The following CCDC59 variants were observed in gnomAD, a reference collection of about 807,000 sequenced individuals.
CCDC59 encodes coiled-coil domain containing 59.
Under a neutral mutation model 30.5 loss-of-function variants are expected in CCDC59, and 27 were observed. The observed-to-expected ratio is 0.89, with a 90% CI of 0.65 to 1.22. CCDC59 has a LOEUF of 1.22. Ranked by LOEUF, CCDC59 falls within the 50% of genes most tolerant of loss-of-function variation. The pLI is 0.00. For missense variants in CCDC59, 362 were observed against 284.4 expected (o/e 1.27, Z -1.96); for synonymous variants, 125 against 100.9 (o/e 1.24, Z -1.43).
Position 82,358,298 on chromosome 12 carries a change from ACCCGACAGTGGAAAC to A in CCDC59, c.64_78del (p.Val22_Gly26del). 6.2e-7 allele frequency: 1 copy of A among 1,613,676 alleles called. No individual in the cohort carries two copies. The highest frequency in any genetic ancestry group is 2.2e-5 in the East Asian group (1 of 44,854). ...TTCTGTCTCACATTCTTATTCCTGT[ACCCGACAGTGGAAAC>A]CCCTTCACCACGCGCCTCAATACCA... is the stretch of plus-strand genomic sequence containing the variant. On this transcript the variant is annotated inframe_deletion, in exon 1 of 4. Coordinates refer to ENST00000256151, the MANE Select transcript of CCDC59 (RefSeq NM_014167.5).
intron 2 of CCDC59, chr12:82,355,857 C>A (rs1170884553): frequency 6.6e-6 from 1 of 152,122 alleles, no homozygotes; most frequent in Non-Finnish European, 1.5e-5. Flanking sequence ...CTGTTTCCAC[C>A]CCAAAATAAA....
chr12:82,358,751 G>A (rs1881323448), upstream of CCDC59: 2 of 1,614,100 alleles, frequency 1.2e-6, no homozygotes, highest in African/African-American at 1.3e-5. Context: ...TGGCTGCGCT[G>A]AGGAAGTCAG....
At chr12:82,358,444 G>A (rs1293911424), upstream of CCDC59, 2 of 1,605,476 alleles carry the variant, frequency 1.2e-6, no homozygotes, top group Non-Finnish European at 1.7e-6. Context: ...CCAAGCCGAA[G>A]CAATCAATCG....
intron 2 of CCDC59, chr12:82,356,226 T>C (rs1240519015): frequency 6.6e-6 from 1 of 152,264 alleles, no homozygotes; most frequent in Non-Finnish European, 1.5e-5. Context: ...ACTTTAAGTA[T>C]GCAGCGATAG....
In CCDC59 at chr12:82,352,330, T is replaced by C. The variant is rs1478689190; in HGVS notation, c.*821A>G. On this transcript the variant is annotated 3_prime_UTR_variant, in exon 4 of 4. Coordinates refer to ENST00000256151, the MANE Select transcript of CCDC59 (RefSeq NM_014167.5). ...TGCTATCATTTATAAAATTTTATTA[T>C]TCAATATTTGGCAAGTATTATTGGT... is the stretch of plus-strand genomic sequence containing the variant. The C allele has an allele frequency of 2.0e-5, 3 of 152,368 alleles. No homozygotes were observed. The highest frequency in any genetic ancestry group is 2.9e-5 in the Non-Finnish European group (2 of 68,030). 9.4% of individuals were successfully genotyped at this position (152,368 alleles called of 1,614,324 possible). A position where few individuals can be genotyped will look rare whatever the true frequency, so the allele number is the denominator to read the frequency against.
upstream of CCDC59, chr12:82,358,799 C>T (rs1412248100): frequency 1.2e-6 from 2 of 1,613,274 alleles, no homozygotes; most frequent in Non-Finnish European, 1.7e-6. Flanking sequence ...AGACGCGCCC[C>T]CTAGTGGAAG....
chr12:82,353,722 T>A (rs1028865299), intron 3 of CCDC59, among the ~76,000 whole-genome samples: 1 of 152,152 alleles, frequency 6.6e-6, no homozygotes, highest in Non-Finnish European at 1.5e-5. Flanking sequence ...TGCCACCAGC[T>A]TAAGAACAAT....
At position 82,358,274 on chromosome 12, in the gene CCDC59, T is replaced by A; in HGVS notation, c.103A>T (p.Lys35Ter). ...TGCGGGTGGTTAGGCCGCCATGTCT[T>A]CTGTCTCACATTCTTATTCCTGTAC... ...VGYRNKNVRQKTWRPNHPQAF... is the reference protein window; with the variant it reads ...VGYRNKNVRQ The change falls in exon 1 of 4, where the codon AAG (lysine) becomes TAG (stop). Residue 35 changes from lysine (K) to a stop codon, truncating the protein, a stop_gained. Transcript: ENST00000256151. LOFTEE classifies it high-confidence loss of function. 1 of 1,614,152 alleles carries A rather than the reference T, an allele frequency of 6.2e-7. No homozygotes were observed. The highest frequency in any genetic ancestry group is 8.5e-7 in the Non-Finnish European group (1 of 1,180,014).
rs770305265 is a variant in CCDC59, at chr12:82,358,327, G to C, written c.50C>G (p.Ala17Gly). The C allele has an allele frequency of 6.2e-7, 1 of 1,613,992 alleles. No homozygotes were observed. Among genetic ancestry groups the C allele is most frequent in the Non-Finnish European group, 8.5e-7 (1 of 1,180,012 alleles). Residue 17 changes from alanine to glycine, a missense_variant, in exon 1 of 4, where the codon GCG becomes GGG. Physicochemically the swap from Ala to Gly is moderately conservative, Grantham distance 60 (BLOSUM62 0). Transcript: ENST00000256151. Reference sequence around the variant, plus strand: ...GACAGTGGAAACCCCTTCACCACGCGCCTCAATACCACCAGGCCGCCACTT... The same window carrying C: ...GACAGTGGAAACCCCTTCACCACGCCCCTCAATACCACCAGGCCGCCACTT... ...SAKWRPGGIE[A>G]RGEGVSTVGY...
chr12:82,356,607 G>T (rs1217099970), intron 2 of CCDC59, among the ~76,000 whole-genome samples: 1 of 152,082 alleles, frequency 6.6e-6, no homozygotes, highest in Admixed American at 6.5e-5. Context: ...GTTGAGTCTG[G>T]CTCTAGAACC....
chr12:82,358,552 G>A (rs200200219), upstream of CCDC59: 2 of 1,607,916 alleles, frequency 1.2e-6, no homozygotes, highest in Non-Finnish European at 1.7e-6. Context: ...CTACAGCCTC[G>A]GAGGGTGAGC....
rs10735453 is a variant in CCDC59 at position 82,352,601 on chromosome 12, T to C, written c.*550A>G. 0.85 allele frequency: 129,404 copies of C among 152,252 alleles called. 55,368 individuals are homozygous for C. Among genetic ancestry groups the C allele is most frequent in the East Asian group, 1 (5,180 of 5,186 alleles). The allele number at this position is 152,252 out of a possible 1,614,324, so 9.4% of individuals were successfully genotyped here. On this transcript the variant is annotated 3_prime_UTR_variant, in exon 4 of 4. Transcript: ENST00000256151. The stretch of plus-strand genomic sequence containing the variant: ...ACCTTAGACTAACAAGCCATGTACA[T>C]CCATTTAAGGGAATGTTTATAAATA...
intron 2 of CCDC59, chr12:82,355,380 G>A (rs192163001): frequency 6.6e-6 from 1 of 152,118 alleles, no homozygotes; most frequent in African/African-American, 2.4e-5. Context: ...GTTTTAAATT[G>A]TACACCACAC....
upstream of CCDC59, chr12:82,358,726 C>T (rs1881312413): frequency 1.9e-6 from 3 of 1,614,038 alleles, no homozygotes; most frequent in Admixed American, 1.7e-5. Flanking sequence ...GTCGACTTGC[C>T]ACCGGAGACA....
In CCDC59 at chr12:82,354,522, T is replaced by A. The variant is rs138760241; in HGVS notation, c.537A>T (p.Ile179=). The A allele has an allele frequency of 3.9e-4, 623 of 1,602,308 alleles. 4 individuals are homozygous for A. In the African/African-American group the frequency reaches 7.5e-3, roughly 19 times the overall value. Reference sequence around the variant, plus strand: ...GTTTCTTAGCAGCACGTTTGGCTTGTATCTGTTCATATTCTTCTTGTGCTT... The same window carrying A: ...GTTTCTTAGCAGCACGTTTGGCTTGAATCTGTTCATATTCTTCTTGTGCTT... ...NQKAQEEYEQ[I]QAKRAAKKQE... is the part of the protein sequence containing the mutation. Residue 179 remains isoleucine (I), a synonymous_variant, in exon 3 of 4, where the codon ATA becomes ATT. Transcript: ENST00000256151.
rs746297610 is a variant in CCDC59 at position 82,357,172 on chromosome 12, T to C, written c.252A>G (p.Gln84=). The change falls in exon 2 of 4, where the codon CAA becomes CAG. Residue 84 remains glutamine, a synonymous_variant. Coordinates refer to ENST00000256151, the MANE Select transcript of CCDC59 (RefSeq NM_014167.5). ...GATTATCTGGGTATCGATCTGTGAA[T>C]TGAGATTCCAGTGACGTTTGAGCCT... ...EKKAQTSLES[Q]FTDRYPDNLK... 6.8e-6 allele frequency: 11 copies of C among 1,614,124 alleles called. No individual in the cohort carries two copies. Among genetic ancestry groups the C allele is most frequent in the East Asian group, 2.2e-5 (1 of 44,874 alleles).
intron 1 of CCDC59, 83 bp from the exon 2 acceptor site, chr12:82,357,352 C>G: frequency 8.6e-7 from 1 of 1,158,570 alleles, no homozygotes; most frequent in Non-Finnish European, 1.2e-6. Flanking sequence ...CAAATGAAAA[C>G]TTTTTTTACG....
upstream of CCDC59, chr12:82,358,691 C>T: frequency 6.2e-7 from 1 of 1,614,204 alleles, no homozygotes; most frequent in Non-Finnish European, 8.5e-7. Flanking sequence ...TGGATTTCTA[C>T]ACAGAATCCG....
In CCDC59 at chr12:82,357,056, A is replaced by C. The variant is rs1447610851; in HGVS notation, c.368T>G (p.Leu123Trp). Residue 123 changes from leucine (L) to tryptophan (W), a missense_variant, in exon 2 of 4, where the codon TTG (leucine) becomes TGG (tryptophan). Leu to Trp is a moderately conservative substitution (Grantham distance 61, BLOSUM62 -2). Transcript: ENST00000256151. ...GTCAATGCTACACTGTTCTTCAAGC[A>C]ACGGCTGGTGAACTTGTTCTGACAA... ...HPLSEQVHQPLLEEQCSIDEP... is the reference protein window; with the variant it reads ...HPLSEQVHQPWLEEQCSIDEP... 6.2e-7 allele frequency: 1 copy of C among 1,614,200 alleles called. No homozygotes were observed. The highest frequency in any genetic ancestry group is 1.7e-5 in the Admixed American group (1 of 60,028).
Sources: gnomAD v4.1 joint callset for allele counts (sites outside exome capture counted in the v4.1 genomes callset) on GRCh38, gnomAD v4.1.1 for gene constraint, MANE v1.5 for transcripts, NCBI Gene and HGNC (gene_info 2026-07-23, HGNC 2026-07-21) for gene names.